Variants in XKR4 observed in about 807,000 individuals in gnomAD.
XKR4 encodes XK related 4.
In XKR4, 12 loss-of-function variants were observed where a neutral mutation model predicts 53.9. The ratio of observed to expected loss-of-function variants is 0.22; its 90% confidence interval spans 0.14 to 0.36. The LOEUF is 0.36. Ranked by LOEUF, XKR4 falls within the 10% of genes least tolerant of loss-of-function variation. The probability of loss-of-function intolerance (pLI) is 1.00; values close to 1 mark genes in which losing one functional copy is unlikely to be tolerated. For missense variants in XKR4, 799 were observed against 859.5 expected (o/e 0.93, Z 0.88); for synonymous variants, 354 against 362.4 (o/e 0.98, Z 0.26).
At chr8:55,148,212 C>T (rs1816795597) in intron 1 of XKR4, among the ~76,000 whole-genome samples, 1 of 152,174 alleles carries the variant, frequency 6.6e-6, no homozygotes, top group Admixed American at 6.5e-5. Context: ...TAGCTCCAGC[C>T]TGGACAACAT....
chr8:55,230,416 G>T (rs1204783372), intron 1 of XKR4, among the ~76,000 whole-genome samples: 1 of 145,756 alleles, frequency 6.9e-6, no homozygotes, highest in Non-Finnish European at 1.5e-5. Context: ...AGCCTTGAGT[G>T]CAGTGGTGCA....
At chr8:55,151,121 G>A (rs958097287) in intron 1 of XKR4, among the ~76,000 whole-genome samples, 1 of 152,142 alleles carries the variant, frequency 6.6e-6, no homozygotes, top group Non-Finnish European at 1.5e-5. Context: ...CATCTCTCAA[G>A]CTATAGGTAA....
chr8:55,279,602 G>C (rs1386029561), intron 1 of XKR4, among the ~76,000 whole-genome samples: 1 of 152,190 alleles, frequency 6.6e-6, no homozygotes, highest in African/African-American at 2.4e-5. Context: ...GTCATGCTTT[G>C]CTGGTTTGAA....
intron 1 of XKR4, among the ~76,000 whole-genome samples, chr8:55,174,910 G>T (rs566805274): frequency 6.6e-6 from 1 of 152,284 alleles, no homozygotes; most frequent in African/African-American, 2.4e-5. Context: ...GTCTCAGGTT[G>T]CTCTCTAGGA....
intron 1 of XKR4, among the ~76,000 whole-genome samples, chr8:55,158,109 G>C (rs1816934118): frequency 6.6e-6 from 1 of 152,136 alleles, no homozygotes; most frequent in Non-Finnish European, 1.5e-5. Context: ...CTCCACAATG[G>C]CTGAACTCCT....
At chr8:55,440,989 A>G (rs1805255183) in intron 2 of XKR4, among the ~76,000 whole-genome samples, 1 of 151,902 alleles carries the variant, frequency 6.6e-6, no homozygotes, top group South Asian at 2.1e-4. Flanking sequence ...TGTGGCAGGA[A>G]GATTGCTTGA....
chr8:55,261,199 T>C (rs2129371144), intron 1 of XKR4, among the ~76,000 whole-genome samples: 1 of 152,292 alleles, frequency 6.6e-6, no homozygotes, highest in East Asian at 1.9e-4. Context: ...GTTCTAATGC[T>C]GGCAGTTGCT....
chr8:55,187,913 A>G (rs1817400341), intron 1 of XKR4, among the ~76,000 whole-genome samples: 1 of 152,170 alleles, frequency 6.6e-6, no homozygotes, highest in South Asian at 2.1e-4. Context: ...AATTATATAA[A>G]CCATTTCTTT....
chr8:55,400,719 A>G (rs1472793726), intron 2 of XKR4, among the ~76,000 whole-genome samples: 1 of 152,220 alleles, frequency 6.6e-6, no homozygotes, highest in Non-Finnish European at 1.5e-5. Context: ...AAGTGAAGTC[A>G]GCAATGGGCT....
At chr8:55,495,558 C>T (rs1479375757) in intron 2 of XKR4, among the ~76,000 whole-genome samples, 1 of 152,222 alleles carries the variant, frequency 6.6e-6, no homozygotes, top group African/African-American at 2.4e-5. Context: ...ATCACAGTGG[C>T]TTCCAGGGTC....
At chr8:55,301,648 C>G (rs1031733760) in intron 1 of XKR4, among the ~76,000 whole-genome samples, 4 of 152,168 alleles carry the variant, frequency 2.6e-5, no homozygotes, top group Non-Finnish European at 1.5e-5. Flanking sequence ...CACATCCTCT[C>G]CAGCACCTGT....
intron 1 of XKR4, among the ~76,000 whole-genome samples, chr8:55,228,575 C>CAA (rs1262413125): frequency 6.6e-6 from 1 of 150,696 alleles, no homozygotes; most frequent in Non-Finnish European, 1.5e-5. Context: ...AAAATCCCCA[C>CAA]AAAGAAAAAA....
chr8:55,172,627 T>C (rs1053060914), intron 1 of XKR4, among the ~76,000 whole-genome samples: 5 of 152,194 alleles, frequency 3.3e-5, no homozygotes, highest in African/African-American at 9.6e-5. Context: ...GATAGCCAAA[T>C]TGAAAACAGC....
intron 1 of XKR4, among the ~76,000 whole-genome samples, chr8:55,191,685 CTTT>C (rs528131249): frequency 8.5e-6 from 1 of 117,070 alleles, no homozygotes. Context: ...TAGTACAATT[CTTT>C]TTTTTTTTTT....
Position 55,378,519 on chromosome 8 carries a change from G to A in XKR4, c.1006+20642G>A, listed in dbSNP as rs184467669. On this transcript the variant is annotated intron_variant, in intron 2 of 2. Coordinates refer to ENST00000327381, the MANE Select transcript of XKR4 (RefSeq NM_052898.2). The stretch of plus-strand genomic sequence containing the variant: ...TTGCTATGGAGAAAAACAAGAGTAC[G>A]ATTAACATGAAATTCAGGAAAGTGG... Among the ~76,000 whole-genome samples the A allele has an allele frequency of 7.4e-4, 113 of 152,320 alleles. 1 individual carries two copies. The highest frequency in any genetic ancestry group is 2.5e-3 in the African/African-American group (104 of 41,580).
chr8:55,407,619 C>G (rs1421463993), intron 2 of XKR4, among the ~76,000 whole-genome samples: 1 of 152,226 alleles, frequency 6.6e-6, no homozygotes, highest in Non-Finnish European at 1.5e-5. Flanking sequence ...ACTCTTTTCC[C>G]CCTGACACCC....
At chr8:55,416,898 C>T (rs1305222390) in intron 2 of XKR4, among the ~76,000 whole-genome samples, 2 of 152,210 alleles carry the variant, frequency 1.3e-5, no homozygotes, top group African/African-American at 2.4e-5. Flanking sequence ...CCCATAATCA[C>T]TCTGTTCTTA....
rs1412002968 is a variant in XKR4 at position 55,529,772 on chromosome 8, T to TTA, written c.*5546_*5547insAT. The TTA allele has an allele frequency of 6.6e-6, 1 of 152,180 alleles. No individual in the cohort carries two copies. The highest frequency in any genetic ancestry group is 1.5e-5 in the Non-Finnish European group (1 of 68,040). 9.4% of individuals were successfully genotyped at this position (152,180 alleles called of 1,614,324 possible). On this transcript the variant is annotated 3_prime_UTR_variant, in exon 3 of 3. Coordinates refer to ENST00000327381, the MANE Select transcript of XKR4 (RefSeq NM_052898.2). ...AGAATCATGGTCTGATGATCAAATTTTTCCAAGAAAATTTTATTTAAAAGT... is the reference window on the plus strand; with the variant it reads ...AGAATCATGGTCTGATGATCAAATTTTATTCCAAGAAAATTTTATTTAAAAGT...
intron 2 of XKR4, among the ~76,000 whole-genome samples, chr8:55,359,144 G>A (rs1803862849): frequency 6.6e-6 from 1 of 152,236 alleles, no homozygotes; most frequent in Non-Finnish European, 1.5e-5. Flanking sequence ...GGAAAGTGGA[G>A]TCTTTGCACA....
Sources: allele counts gnomAD v4.1 joint callset (sites outside exome capture counted in the v4.1 genomes callset), GRCh38; gene constraint gnomAD v4.1.1; transcripts MANE v1.5; gene names NCBI Gene and HGNC (gene_info 2026-07-23, HGNC 2026-07-21).